ENTREP2: variants seen among roughly 807,000 people sequenced by gnomAD.
ENTREP2 encodes protein ENTREP2.
At chr15:29,407,688 G>C in the ENTREP2 span, among the ~76,000 whole-genome samples, 2 of 151,920 alleles carry the variant, frequency 1.3e-5, no homozygotes, top group Non-Finnish European at 2.9e-5. Flanking sequence ...GGGTTGGGGG[G>C]AGCCCGAGTC....
the ENTREP2 span, among the ~76,000 whole-genome samples, chr15:29,490,644 A>T: frequency 2.6e-5 from 4 of 152,228 alleles, no homozygotes; most frequent in African/African-American, 9.6e-5. Flanking sequence ...AGCTAGGTGT[A>T]AAAGTTCTCC....
the ENTREP2 span, among the ~76,000 whole-genome samples, chr15:29,674,481 G>A: frequency 6.6e-6 from 1 of 152,064 alleles, no homozygotes; most frequent in South Asian, 2.1e-4. Flanking sequence ...TGTTGGCCAG[G>A]ATGTTCTCGA....
chr15:29,274,675 C>A, the ENTREP2 span, among the ~76,000 whole-genome samples: 2,385 of 152,254 alleles, frequency 0.016, 34 homozygotes, highest in East Asian at 0.042. Flanking sequence ...GAGGACTACA[C>A]AAAGTTGTAT....
the ENTREP2 span, among the ~76,000 whole-genome samples, chr15:29,549,712 C>A: frequency 6.6e-6 from 1 of 152,180 alleles, no homozygotes; most frequent in East Asian, 1.9e-4. Context: ...CCCTGGACTC[C>A]TCACAGAACC....
the ENTREP2 span, among the ~76,000 whole-genome samples, chr15:29,290,237 C>T: frequency 1.4e-4 from 22 of 152,172 alleles, no homozygotes; most frequent in Non-Finnish European, 5.9e-5. Flanking sequence ...GGCACTCTCC[C>T]GAGCCATAAC....
At chr15:29,604,576 AATT>A in the ENTREP2 span, among the ~76,000 whole-genome samples, 1 of 152,212 alleles carries the variant, frequency 6.6e-6, no homozygotes, top group African/African-American at 2.4e-5. Flanking sequence ...TCACCCAAGG[AATT>A]ATAATATCTA....
chr15:29,320,940 G>A, the ENTREP2 span, among the ~76,000 whole-genome samples: 1 of 151,870 alleles, frequency 6.6e-6, no homozygotes, highest in Non-Finnish European at 1.5e-5. Context: ...AATATTAAAA[G>A]GCAAAAAGAG....
At chr15:29,641,017 A>C in the ENTREP2 span, among the ~76,000 whole-genome samples, 2,591 of 152,340 alleles carry the variant, frequency 0.017, 64 homozygotes, top group African/African-American at 0.059. Context: ...AAGTTGGCTT[A>C]ATATCTAACA....
the ENTREP2 span, chr15:29,128,677 G>C: frequency 1.2e-6 from 1 of 830,866 alleles, no homozygotes; most frequent in African/African-American, 1.7e-5. Flanking sequence ...AAGAAATGGA[G>C]GGAGGAGGAG....
the ENTREP2 span, among the ~76,000 whole-genome samples, chr15:29,468,750 A>G: frequency 6.6e-6 from 1 of 152,148 alleles, no homozygotes; most frequent in East Asian, 1.9e-4. Context: ...TCTGAATATG[A>G]TTTTAAAATA....
At chr15:29,510,545 A>C in the ENTREP2 span, among the ~76,000 whole-genome samples, 1 of 152,042 alleles carries the variant, frequency 6.6e-6, no homozygotes, top group Non-Finnish European at 1.5e-5. Flanking sequence ...GCACATATAC[A>C]CCTGTAATCC....
the ENTREP2 span, among the ~76,000 whole-genome samples, chr15:29,609,286 A>G: frequency 2.7e-5 from 4 of 150,256 alleles, no homozygotes; most frequent in African/African-American, 7.3e-5. Context: ...CCAGTCCCCT[A>G]TTGATGGATA....
the ENTREP2 span, among the ~76,000 whole-genome samples, chr15:29,353,407 G>A: frequency 1.3e-5 from 2 of 152,188 alleles, no homozygotes; most frequent in African/African-American, 4.8e-5. Flanking sequence ...CACCTGGACG[G>A]GCTGTTTGCT....
chr15:29,396,569 T>C, the ENTREP2 span, among the ~76,000 whole-genome samples: 2 of 152,234 alleles, frequency 1.3e-5, no homozygotes, highest in Admixed American at 6.5e-5. Context: ...GGTTGCCTGT[T>C]TACTCTCTTA....
chr15:29,223,545 G>A, the ENTREP2 span, among the ~76,000 whole-genome samples: 1 of 152,184 alleles, frequency 6.6e-6, no homozygotes, highest in Admixed American at 6.5e-5. Context: ...ACGTGTAACT[G>A]GATATCAGTT....
chr15:29,449,065 G>A, the ENTREP2 span, among the ~76,000 whole-genome samples: 3 of 152,320 alleles, frequency 2.0e-5, no homozygotes, highest in African/African-American at 7.2e-5. Flanking sequence ...AGAGTTAAGA[G>A]AGAATGTTGC....
At chr15:29,383,397 C>T in the ENTREP2 span, among the ~76,000 whole-genome samples, 1 of 152,198 alleles carries the variant, frequency 6.6e-6, no homozygotes, top group Non-Finnish European at 1.5e-5. Flanking sequence ...CTCTCCCTTA[C>T]CCCCATGTCC....
chr15:29,639,768 C>CTTTTTTTT, the ENTREP2 span, among the ~76,000 whole-genome samples: 4,198 of 126,762 alleles, frequency 0.033, 318 homozygotes, highest in African/African-American at 0.12. Flanking sequence ...TTTTTGTTTG[C>CTTTTTTTT]TTTTTTTTTT....
At chr15:29,646,472 C>A in the ENTREP2 span, among the ~76,000 whole-genome samples, 188 of 152,248 alleles carry the variant, frequency 1.2e-3, 1 homozygote, top group African/African-American at 4.2e-3. Context: ...CTACGTGAGG[C>A]CCTCTGTGTC....
Sources: allele counts gnomAD v4.1 joint callset (sites outside exome capture counted in the v4.1 genomes callset), GRCh38; gene constraint gnomAD v4.1.1; transcripts MANE v1.5; gene names NCBI Gene and HGNC (gene_info 2026-07-23, HGNC 2026-07-21).